Variants in SORCS2 observed in about 807,000 individuals in gnomAD.
The protein encoded by SORCS2 is VPS10 domain-containing receptor SorCS2.
A neutral mutation model predicts 141.6 loss-of-function variants in SORCS2; 100 were observed. The ratio of observed to expected loss-of-function variants is 0.71; its 90% CI spans 0.60 to 0.83. SORCS2 has a LOEUF of 0.83. SORCS2 is among the 40% of genes least tolerant of loss of function. SORCS2 has a pLI of 0.00. For synonymous variants in SORCS2, 789 were observed against 676.9 expected, an observed-to-expected ratio of 1.17 and a Z score of -2.57; for missense variants, 1,646 against 1,560.2, an observed-to-expected ratio of 1.05 and a Z score of -0.93.
chr4:7,522,410 C>A (rs1319485275), intron 2 of SORCS2, among the ~76,000 whole-genome samples: 2 of 152,220 alleles, frequency 1.3e-5, no homozygotes, highest in Non-Finnish European at 2.9e-5. Context: ...TTCTATTTGC[C>A]CGTTTTTAGA....
Position 7,712,029 on chromosome 4 carries a change from G to A in SORCS2, c.1869-704G>A, listed in dbSNP as rs576972175. 4.6e-5 allele frequency among the ~76,000 whole-genome samples: 7 copies of A among 152,212 alleles called. No homozygotes were observed. The East Asian group carries it at 1.4e-3, about 29-fold the overall frequency. On this transcript the variant is annotated intron_variant, in intron 14 of 26. Coordinates refer to ENST00000507866, the MANE Select transcript of SORCS2 (RefSeq NM_020777.3). ...AGCCCATGGAGTCCAGTGTGCTTGG[G>A]GTTCAGGATGTTCAGATCTTAGGAA...
chr4:7,362,759 C>T lies in SORCS2; in HGVS notation c.481-33529C>T, dbSNP rs1436964892. On this transcript the variant is annotated intron_variant, in intron 1 of 26. Transcript: ENST00000507866. ...CCATCATCACCACTAACATCACCAC[C>T]TCCACCGTCATTACTACCAGGACTA... Among the ~76,000 whole-genome samples the T allele has an allele frequency of 3.3e-5, 5 of 151,834 alleles. No homozygotes were observed. In the East Asian group the frequency reaches 9.6e-4, roughly 29 times the overall value.
At chr4:7,655,900 G>A (rs1054344510) in intron 5 of SORCS2, among the ~76,000 whole-genome samples, 2 of 152,200 alleles carry the variant, frequency 1.3e-5, no homozygotes, top group African/African-American at 4.8e-5. Flanking sequence ...AGCGCCCAGA[G>A]GGAAATTGGC....
intron 2 of SORCS2, among the ~76,000 whole-genome samples, chr4:7,512,560 T>C (rs1204787893): frequency 6.6e-6 from 1 of 152,212 alleles, no homozygotes; most frequent in South Asian, 2.1e-4. Context: ...TCCTCCGGAT[T>C]GGGCCCCTCC....
chr4:7,317,519 A>C (rs1718637771), intron 1 of SORCS2, among the ~76,000 whole-genome samples: 1 of 152,184 alleles, frequency 6.6e-6, no homozygotes, highest in Non-Finnish European at 1.5e-5. Flanking sequence ...TCCTGAGCCC[A>C]GGTGGCCACT....
At chr4:7,211,122 G>A (rs964367397) in intron 1 of SORCS2, among the ~76,000 whole-genome samples, 8 of 151,258 alleles carry the variant, frequency 5.3e-5, no homozygotes, top group African/African-American at 1.9e-4. Flanking sequence ...CTGACTTTGA[G>A]TTCTCATTCT....
At chr4:7,508,292 A>AG (rs5855969) in intron 2 of SORCS2, among the ~76,000 whole-genome samples, 96,980 of 135,226 alleles carry the variant, frequency 0.72, 35,411 homozygotes, top group East Asian at 0.99. Context: ...CCTAGCACCC[A>AG]TCACCTCTTT....
intron 19 of SORCS2, among the ~76,000 whole-genome samples, chr4:7,724,498 ACAATGGTGGTGG>A (rs1726933313): frequency 2.5e-5 from 1 of 39,834 alleles, no homozygotes. Flanking sequence ...GGTGGTGGTG[ACAATGGTGGTGG>A]TGATGGTGGT....
chr4:7,667,101 A>T (rs374884988), intron 7 of SORCS2, 23 bp from the exon 8 acceptor site: 10 of 1,601,592 alleles, frequency 6.2e-6, no homozygotes, highest in Non-Finnish European at 8.6e-6. Flanking sequence ...GCCTCTCAAA[A>T]ATGTGTTTCT....
chr4:7,489,916 G>A (rs1024565652), intron 2 of SORCS2, among the ~76,000 whole-genome samples: 3 of 152,196 alleles, frequency 2.0e-5, no homozygotes, highest in African/African-American at 7.2e-5. Context: ...CAGCAGAGAA[G>A]GGTGTCCTGT....
chr4:7,365,642 G>A (rs1413745807), intron 1 of SORCS2, among the ~76,000 whole-genome samples: 4 of 152,270 alleles, frequency 2.6e-5, no homozygotes, highest in Admixed American at 1.3e-4. Context: ...CCGCCTGCCC[G>A]CCCAACAGCT....
At chr4:7,700,645 C>G (rs1191242778) in intron 12 of SORCS2, among the ~76,000 whole-genome samples, 6 of 152,242 alleles carry the variant, frequency 3.9e-5, no homozygotes, top group African/African-American at 1.4e-4. Flanking sequence ...TCTCCAAGCA[C>G]TTTCCTGAGC....
chr4:7,277,559 A>G (rs992554605), intron 1 of SORCS2, among the ~76,000 whole-genome samples: 1 of 152,174 alleles, frequency 6.6e-6, no homozygotes, highest in African/African-American at 2.4e-5. Flanking sequence ...GTTTCATGAC[A>G]TGCCGGCAGA....
intron 1 of SORCS2, among the ~76,000 whole-genome samples, chr4:7,245,127 C>T (rs1258488494): frequency 2.0e-5 from 3 of 152,164 alleles, no homozygotes; most frequent in African/African-American, 7.2e-5. Context: ...GGAGGCTGGG[C>T]CGCTTCTTCC....
Position 7,740,603 on chromosome 4 carries a change from A to T in SORCS2, c.*339A>T. 2.6e-6 allele frequency: 1 copy of T among 381,970 alleles called. No homozygotes were observed. Among genetic ancestry groups the T allele is most frequent in the Non-Finnish European group, 4.9e-6 (1 of 202,322 alleles). 23.7% of individuals were successfully genotyped at this position (381,970 alleles called of 1,614,324 possible). ...TCTGGGCTGAGGCTGGTCGTCCTGG[A>T]GCCCTCCCAGTACCTCGGGCTGCAA... is the stretch of plus-strand genomic sequence containing the variant. On this transcript the variant is annotated 3_prime_UTR_variant, in exon 27 of 27. Coordinates refer to ENST00000507866, the MANE Select transcript of SORCS2 (RefSeq NM_020777.3).
At chr4:7,525,997 CAG>C (rs1403666843) in intron 2 of SORCS2, among the ~76,000 whole-genome samples, 1 of 127,328 alleles carries the variant, frequency 7.9e-6, no homozygotes, top group East Asian at 2.1e-4. Flanking sequence ...CTGTCCCCTG[CAG>C]TCACCTGTCC....
chr4:7,390,766 G>A (rs1298151052), intron 1 of SORCS2, among the ~76,000 whole-genome samples: 1 of 152,212 alleles, frequency 6.6e-6, no homozygotes, highest in Non-Finnish European at 1.5e-5. Flanking sequence ...ATTGGGGAAA[G>A]GATTTGGTGG....
In SORCS2 at chr4:7,326,734, G is replaced by A. The variant is rs1719287612; in HGVS notation, c.481-69554G>A. On this transcript the variant is annotated intron_variant, in intron 1 of 26. Coordinates refer to ENST00000507866, the MANE Select transcript of SORCS2 (RefSeq NM_020777.3). Reference sequence around the variant, plus strand: ...TTGTCACCCTCCCAAGCCTGGGACAGCGGAGAGGCTGGAGGCGCTGTGACC... The same window carrying A: ...TTGTCACCCTCCCAAGCCTGGGACAACGGAGAGGCTGGAGGCGCTGTGACC... Among the ~76,000 whole-genome samples the A allele has an allele frequency of 2.0e-5, 3 of 152,384 alleles. No homozygotes were observed. In the South Asian group the frequency reaches 6.2e-4, roughly 32 times the overall value.
intron 2 of SORCS2, among the ~76,000 whole-genome samples, chr4:7,506,872 A>G (rs1732306596): frequency 6.6e-6 from 1 of 152,184 alleles, no homozygotes; most frequent in African/African-American, 2.4e-5. Flanking sequence ...AAATGAAACA[A>G]AGCAGCATAG....
Sources: allele counts gnomAD v4.1 joint callset (sites outside exome capture counted in the v4.1 genomes callset), GRCh38; gene constraint gnomAD v4.1.1; transcripts MANE v1.5; gene names NCBI Gene and HGNC (gene_info 2026-07-23, HGNC 2026-07-21).